The following CAMTA1 variants were observed in gnomAD, a reference collection of about 807,000 sequenced individuals.
The protein encoded by CAMTA1 is calmodulin-binding transcription activator 1.
CAMTA1 carries 27 observed loss-of-function variants against 170.9 expected under a neutral mutation model. That is an observed-to-expected ratio of 0.16 (90% confidence interval 0.12 to 0.22). CAMTA1 has a LOEUF of 0.22. Among genes scored for constraint, CAMTA1 ranks in the 10% least tolerant of loss-of-function variants. The pLI is 1.00. For missense variants in CAMTA1, 1,619 were observed against 2,217.2 expected (o/e 0.73, Z 5.42); for synonymous variants, 833 against 891.5 (o/e 0.93, Z 1.17).
chr1:7,418,329 G>A (rs556756220), intron 5 of CAMTA1, among the ~76,000 whole-genome samples: 1 of 152,272 alleles, frequency 6.6e-6, no homozygotes, highest in South Asian at 2.1e-4. Flanking sequence ...CCAAATAGCT[G>A]GGATTACAGG....
intron 11 of CAMTA1, among the ~76,000 whole-genome samples, chr1:7,713,957 A>C (rs1033464648): frequency 6.6e-6 from 1 of 152,206 alleles, no homozygotes; most frequent in Non-Finnish European, 1.5e-5. Context: ...TCGGGGGTCC[A>C]CACTGAAGAG....
At chr1:7,556,993 G>A (rs2094887301) in intron 6 of CAMTA1, among the ~76,000 whole-genome samples, 1 of 152,136 alleles carries the variant, frequency 6.6e-6, no homozygotes, top group African/African-American at 2.4e-5. Context: ...ATGAGGAGAT[G>A]GAGCATCTTA....
At chr1:7,717,355 C>G (rs2995026) in intron 11 of CAMTA1, among the ~76,000 whole-genome samples, 4 of 152,120 alleles carry the variant, frequency 2.6e-5, no homozygotes, top group Admixed American at 2.6e-4. Flanking sequence ...CTATGTAGTA[C>G]ATTTGTTAAT....
intron 6 of CAMTA1, among the ~76,000 whole-genome samples, chr1:7,630,172 C>T (rs369522498): frequency 6.6e-6 from 1 of 152,224 alleles, no homozygotes; most frequent in African/African-American, 2.4e-5. Flanking sequence ...CCTCCCCTCC[C>T]GGGCAGCGCC....
At chr1:7,728,404 C>T (rs2096707401) in intron 11 of CAMTA1, among the ~76,000 whole-genome samples, 1 of 152,234 alleles carries the variant, frequency 6.6e-6, no homozygotes, top group South Asian at 2.1e-4. Flanking sequence ...TCAGAGAGCA[C>T]CTTTGGTGCT....
chr1:7,068,249 T>C (rs1709213685), intron 3 of CAMTA1, among the ~76,000 whole-genome samples: 1 of 152,156 alleles, frequency 6.6e-6, no homozygotes. Context: ...TGTGTTGTGC[T>C]CAGTTTTGTA....
intron 11 of CAMTA1, among the ~76,000 whole-genome samples, chr1:7,730,750 T>G (rs1213805983): frequency 2.0e-5 from 3 of 151,888 alleles, no homozygotes; most frequent in Non-Finnish European, 4.4e-5. Flanking sequence ...ACAAAAAAGA[T>G]TAGCTGGGCC....
At chr1:6,909,425 C>T (rs2149262399) in intron 3 of CAMTA1, among the ~76,000 whole-genome samples, 1 of 152,332 alleles carries the variant, frequency 6.6e-6, no homozygotes, top group African/African-American at 2.4e-5. Flanking sequence ...GAAGCAGGCA[C>T]AATTTGGAAA....
At chr1:7,305,717 GT>G (rs56235438) in intron 5 of CAMTA1, among the ~76,000 whole-genome samples, 24,032 of 152,000 alleles carry the variant, frequency 0.16, 2,506 homozygotes, top group Non-Finnish European at 0.21. Context: ...CATGTAAACA[GT>G]TTTCATTTCT....
chr1:7,257,608 A>G (rs528565752), intron 5 of CAMTA1, among the ~76,000 whole-genome samples: 1 of 152,340 alleles, frequency 6.6e-6, no homozygotes, highest in African/African-American at 2.4e-5. Context: ...CGCAGGCCAG[A>G]TTGTATGTTG....
intron 4 of CAMTA1, among the ~76,000 whole-genome samples, chr1:7,142,335 C>T (rs1645936035): frequency 6.6e-6 from 1 of 152,156 alleles, no homozygotes; most frequent in African/African-American, 2.4e-5. Flanking sequence ...GTGCTGGAAC[C>T]CAGTTGTGAT....
At chr1:7,311,075 A>G (rs1381437636) in intron 5 of CAMTA1, among the ~76,000 whole-genome samples, 1 of 152,134 alleles carries the variant, frequency 6.6e-6, no homozygotes, top group African/African-American at 2.4e-5. Context: ...TTTGATTCTG[A>G]TGTATCTGAT....
chr1:7,369,035 A>G (rs989219854), intron 5 of CAMTA1: 5 of 152,248 alleles, frequency 3.3e-5, no homozygotes, highest in African/African-American at 1.2e-4. Context: ...GAGAGTTTGG[A>G]GGCCGGAGAG....
At chr1:7,091,014 A>G (rs1356508400) in intron 3 of CAMTA1, among the ~76,000 whole-genome samples, 3 of 152,218 alleles carry the variant, frequency 2.0e-5, no homozygotes, top group African/African-American at 7.2e-5. Flanking sequence ...TGACATTTAG[A>G]ATCTGAAATG....
At chr1:7,619,893 G>A (rs867070358) in intron 6 of CAMTA1, among the ~76,000 whole-genome samples, 13 of 152,136 alleles carry the variant, frequency 8.5e-5, no homozygotes, top group Admixed American at 7.2e-4. Flanking sequence ...CAAGTGATCC[G>A]CCTGCCTCGG....
intron 5 of CAMTA1, among the ~76,000 whole-genome samples, chr1:7,433,575 G>A (rs763437530): frequency 6.6e-5 from 10 of 152,340 alleles, no homozygotes; most frequent in South Asian, 2.1e-4. Flanking sequence ...AAAAAAGGAC[G>A]AGCCAATTGA....
chr1:7,715,798 G>T (rs1474434767), intron 11 of CAMTA1, among the ~76,000 whole-genome samples: 2 of 152,188 alleles, frequency 1.3e-5, no homozygotes, highest in Admixed American at 1.3e-4. Flanking sequence ...CGGCATGGGA[G>T]AGCAGTCCTT....
chr1:7,226,140 C>A (rs1661657304), intron 4 of CAMTA1, among the ~76,000 whole-genome samples: 1 of 152,148 alleles, frequency 6.6e-6, no homozygotes, highest in African/African-American at 2.4e-5. Flanking sequence ...TTCCTTGAGG[C>A]CAAACACGTG....
chr1:7,556,873 T>C (rs887794447), intron 6 of CAMTA1, among the ~76,000 whole-genome samples: 1 of 152,150 alleles, frequency 6.6e-6, no homozygotes, highest in Non-Finnish European at 1.5e-5. Flanking sequence ...TGGGCACCGA[T>C]GACAGGGCAC....
Sources: allele counts gnomAD v4.1 joint callset (sites outside exome capture counted in the v4.1 genomes callset), GRCh38; gene constraint gnomAD v4.1.1; transcripts MANE v1.5; gene names NCBI Gene and HGNC (gene_info 2026-07-23, HGNC 2026-07-21).